RANBP17: variants seen among roughly 807,000 people sequenced by gnomAD.
The protein encoded by RANBP17 is ran-binding protein 17.
RANBP17 carries 158 observed loss-of-function variants against 141.2 expected under a neutral mutation model. The observed-to-expected ratio is 1.12, with a 90% confidence interval of 0.98 to 1.28. The LOEUF (loss-of-function observed/expected upper bound fraction) is 1.28, where lower values mean the gene tolerates loss of function less well. Ranked by LOEUF, RANBP17 falls within the 50% of genes most tolerant of loss-of-function variation. The pLI, the probability that RANBP17 is intolerant of heterozygous loss-of-function variation, is 0.00. For missense variants in RANBP17, 1,438 were observed against 1,290.7 expected (o/e 1.11, Z -1.75); for synonymous variants, 430 against 450.0 (o/e 0.96, Z 0.56).
intron 14 of RANBP17, among the ~76,000 whole-genome samples, chr5:171,144,136 G>A (rs1757886341): frequency 6.6e-6 from 1 of 152,122 alleles, no homozygotes; most frequent in Admixed American, 6.5e-5. Context: ...GCCAAAGCAG[G>A]TGAATCACTT....
At chr5:171,234,139 C>G (rs969358915) in intron 22 of RANBP17, among the ~76,000 whole-genome samples, 2 of 151,988 alleles carry the variant, frequency 1.3e-5, no homozygotes, top group African/African-American at 2.4e-5. Context: ...AGGTAGGTCT[C>G]ATTGAAAATA....
At position 170,896,120 on chromosome 5, in the gene RANBP17, G is replaced by A. The variant is rs776076763; in HGVS notation, c.489+5G>A. 3 of 1,598,846 alleles carry A rather than the reference G, an allele frequency of 1.9e-6. No individual in the cohort carries two copies. In the East Asian group the frequency reaches 6.7e-5, roughly 36 times the overall value. On this transcript the variant is annotated splice_donor_5th_base_variant and intron_variant, in intron 5 of 27. Transcript: ENST00000523189. ...TTGACTCAGGAAATGAACCTGGTAA[G>A]CGAGCCTTTCCATCTAACAGGAGCC...
chr5:170,911,706 T>C (rs1771541199), intron 7 of RANBP17, among the ~76,000 whole-genome samples: 1 of 151,920 alleles, frequency 6.6e-6, no homozygotes, highest in South Asian at 2.1e-4. Context: ...TATGAAGAGT[T>C]GGCAAGAGAT....
chr5:171,277,190 G>A (rs377435590), intron 25 of RANBP17, among the ~76,000 whole-genome samples: 2 of 151,598 alleles, frequency 1.3e-5, no homozygotes, highest in African/African-American at 4.8e-5. Flanking sequence ...AAGTTATTTA[G>A]GATTTCACTT....
intron 22 of RANBP17, among the ~76,000 whole-genome samples, chr5:171,238,689 G>A (rs1251501149): frequency 6.6e-6 from 1 of 152,144 alleles, no homozygotes; most frequent in African/African-American, 2.4e-5. Flanking sequence ...TTGAATTTGA[G>A]GCAAAGGTAG....
chr5:170,977,991 A>G (rs1374557789), intron 14 of RANBP17, among the ~76,000 whole-genome samples: 2 of 152,134 alleles, frequency 1.3e-5, no homozygotes, highest in South Asian at 2.1e-4. Flanking sequence ...TAGTAGGTGA[A>G]TATGTCAACT....
At chr5:171,023,517 T>C (rs4242160) in intron 14 of RANBP17, among the ~76,000 whole-genome samples, 90,283 of 152,096 alleles carry the variant, frequency 0.59, 28,754 homozygotes, top group South Asian at 0.88. Context: ...AAAAACTCTT[T>C]AACATATAGT....
chr5:171,058,029 G>C (rs978562815), intron 14 of RANBP17, among the ~76,000 whole-genome samples: 43 of 152,158 alleles, frequency 2.8e-4, no homozygotes, highest in African/African-American at 1.0e-3. Context: ...TTTCTAGCTT[G>C]AGATTTGGTT....
intron 25 of RANBP17, among the ~76,000 whole-genome samples, chr5:171,266,363 T>A (rs897956137): frequency 2.0e-5 from 3 of 152,214 alleles, no homozygotes; most frequent in African/African-American, 7.2e-5. Context: ...TTCAATAACA[T>A]CTAACTAATA....
At chr5:171,211,463 T>C (rs1762881601) in intron 20 of RANBP17, among the ~76,000 whole-genome samples, 1 of 152,108 alleles carries the variant, frequency 6.6e-6, no homozygotes, top group African/African-American at 2.4e-5. Flanking sequence ...GGTTTCACCA[T>C]GTTGCCCAGG....
intron 14 of RANBP17, among the ~76,000 whole-genome samples, chr5:171,089,375 G>A (rs1460834678): frequency 6.7e-6 from 1 of 149,824 alleles, no homozygotes; most frequent in Non-Finnish European, 1.5e-5. Context: ...TGTCAGACAG[G>A]GACATTTAAG....
intron 14 of RANBP17, among the ~76,000 whole-genome samples, chr5:171,163,373 T>A (rs1368117553): frequency 2.6e-5 from 4 of 152,178 alleles, no homozygotes; most frequent in Non-Finnish European, 5.9e-5. Flanking sequence ...CTTCAAATGT[T>A]AATGAAAGAG....
chr5:171,150,277 T>G (rs1758379019), intron 14 of RANBP17, among the ~76,000 whole-genome samples: 1 of 152,122 alleles, frequency 6.6e-6, no homozygotes, highest in African/African-American at 2.4e-5. Context: ...AAATATTATA[T>G]AATTAAAATG....
Position 171,171,273 on chromosome 5 carries a change from G to T in RANBP17, c.1852G>T (p.Asp618Tyr). 6.3e-7 allele frequency: 1 copy of T among 1,585,202 alleles called. No homozygotes were observed. Among genetic ancestry groups the T allele is most frequent in the South Asian group, 1.1e-5 (1 of 88,680 alleles). Residue 618 changes from aspartate to tyrosine, a missense_variant, in exon 16 of 28, where the codon GAC becomes TAC. Coordinates refer to ENST00000523189, the MANE Select transcript of RANBP17 (RefSeq NM_022897.5). ...TTCAAGGACTCTTCAGTTCCTAAAT[G>T]ACCTTTCTGTTGGATATCCTTTTCA... ...VISRTLQFLN[D>Y]LSVGYILLKK...
chr5:171,070,961 A>C (rs921696592), intron 14 of RANBP17, among the ~76,000 whole-genome samples: 2 of 152,180 alleles, frequency 1.3e-5, no homozygotes, highest in Non-Finnish European at 2.9e-5. Flanking sequence ...TGTTACATTC[A>C]GTACTATGGT....
At chr5:170,877,039 T>C (rs1282941787) in intron 1 of RANBP17, among the ~76,000 whole-genome samples, 1 of 152,120 alleles carries the variant, frequency 6.6e-6, no homozygotes, top group Non-Finnish European at 1.5e-5. Flanking sequence ...TTTTAATTCT[T>C]TTTTTAGATG....
chr5:171,194,159 C>T (rs553423142), intron 18 of RANBP17, among the ~76,000 whole-genome samples: 1 of 152,096 alleles, frequency 6.6e-6, no homozygotes, highest in African/African-American at 2.4e-5. Context: ...GTGTACATTT[C>T]GGAGGGGGAG....
rs1001276193 is a variant in RANBP17, at chr5:171,125,792, A to T, written c.1711-44338A>T. ...AGACACACAAAAACAATCTCAGTAAATTTTTTTTTTTTTTTTGAGACGGAG... is the reference window on the plus strand; with the variant it reads ...AGACACACAAAAACAATCTCAGTAATTTTTTTTTTTTTTTTTGAGACGGAG... On this transcript the variant is annotated intron_variant, in intron 14 of 27. Transcript: ENST00000523189. 1.4e-4 allele frequency among the ~76,000 whole-genome samples: 21 copies of T among 145,432 alleles called. No homozygotes were observed. The East Asian group carries it at 2.4e-3, about 17-fold the overall frequency.
chr5:170,979,062 A>G (rs1239194576), intron 14 of RANBP17, among the ~76,000 whole-genome samples: 2 of 152,232 alleles, frequency 1.3e-5, no homozygotes, highest in Admixed American at 1.3e-4. Flanking sequence ...AAGTCATACA[A>G]GGACACAAAT....
Sources: allele counts gnomAD v4.1 joint callset (sites outside exome capture counted in the v4.1 genomes callset), GRCh38; gene constraint gnomAD v4.1.1; transcripts MANE v1.5; gene names NCBI Gene and HGNC (gene_info 2026-07-23, HGNC 2026-07-21).